The following PARP4 variants were observed in gnomAD, a reference collection of about 807,000 sequenced individuals.
The protein encoded by PARP4 is poly(ADP-ribose) polymerase family member 4.
In PARP4, 120 loss-of-function variants were observed where a neutral mutation model predicts 187.7. That is an observed-to-expected ratio of 0.64 (90% confidence interval 0.55 to 0.74). The LOEUF (loss-of-function observed/expected upper bound fraction) is 0.74, where lower values mean the gene tolerates loss of function less well. Ranked by LOEUF, PARP4 falls within the 30% of genes least tolerant of loss-of-function variation. The pLI, the probability that PARP4 is intolerant of heterozygous loss-of-function variation, is 0.00. For synonymous variants in PARP4, 654 were observed against 740.9 expected (o/e 0.88, Z 1.90); for missense variants, 1,836 against 2,070.5 (o/e 0.89, Z 2.20).
chr13:24,470,829 G>A (rs1872699607), intron 15 of PARP4, among the ~76,000 whole-genome samples: 1 of 152,000 alleles, frequency 6.6e-6, no homozygotes, highest in African/African-American at 2.4e-5. Flanking sequence ...CCTAGGGTGT[G>A]TAGGGTGCCA....
At chr13:24,454,058 C>A (rs531227857) in intron 22 of PARP4, among the ~76,000 whole-genome samples, 1 of 151,364 alleles carries the variant, frequency 6.6e-6, no homozygotes, top group Non-Finnish European at 1.5e-5. Flanking sequence ...GATCGCACCA[C>A]CGCACTCCAG....
At chr13:24,422,626 T>C (rs374842236) in intron 33 of PARP4, among the ~76,000 whole-genome samples, 100 of 152,308 alleles carry the variant, frequency 6.6e-4, no homozygotes, top group African/African-American at 2.3e-3. Context: ...AATTTTTTTT[T>C]TTAGATGGAG....
At chr13:24,499,210 T>G in intron 5 of PARP4, 91 bp downstream of exon 5, 14 of 1,370,868 alleles carry the variant, frequency 1.0e-5, no homozygotes, top group Non-Finnish European at 1.3e-5. Flanking sequence ...TTCAAAACAA[T>G]GAGAAAATGA....
chr13:24,486,158 C>T lies in PARP4; in HGVS notation c.1352+10G>A. The T allele has an allele frequency of 8.1e-6, 13 of 1,600,594 alleles. No homozygotes were observed. The highest frequency in any genetic ancestry group is 2.3e-5 in the South Asian group (2 of 87,718). On this transcript the variant is annotated intron_variant, in intron 11 of 33. Coordinates refer to ENST00000381989, the MANE Select transcript of PARP4 (RefSeq NM_006437.4). ...TGAAATTTTTGAAAAATAAAGATGGCTACTCTTACCGACACAAGATTCCCA... is the reference window on the plus strand; with the variant it reads ...TGAAATTTTTGAAAAATAAAGATGGTTACTCTTACCGACACAAGATTCCCA...
intron 16 of PARP4, among the ~76,000 whole-genome samples, chr13:24,469,412 G>C (rs1461568334): frequency 6.6e-6 from 1 of 152,134 alleles, no homozygotes; most frequent in East Asian, 1.9e-4. Context: ...CTTTAAATTT[G>C]GGAAATTGTA....
chr13:24,499,075 G>T (rs1869123008), intron 5 of PARP4, among the ~76,000 whole-genome samples: 1 of 152,120 alleles, frequency 6.6e-6, no homozygotes, highest in Non-Finnish European at 1.5e-5. Flanking sequence ...AAGGAGGGAG[G>T]ATGGCTTGAG....
At chr13:24,440,742 CTG>C (rs35399646) in intron 30 of PARP4, among the ~76,000 whole-genome samples, 60,172 of 151,814 alleles carry the variant, frequency 0.4, 12,147 homozygotes, top group African/African-American at 0.46. Flanking sequence ...ATCTTAACCA[CTG>C]TGTTTACTGA....
chr13:24,511,648 T>C (rs1870025126), intron 1 of PARP4, among the ~76,000 whole-genome samples: 1 of 152,248 alleles, frequency 6.6e-6, no homozygotes, highest in South Asian at 2.1e-4. Flanking sequence ...CGGAAAACCC[T>C]GAGGAGTCCC....
At chr13:24,473,118 C>G (rs1383559704) in intron 15 of PARP4, among the ~76,000 whole-genome samples, 2 of 152,114 alleles carry the variant, frequency 1.3e-5, no homozygotes, top group Non-Finnish European at 2.9e-5. Flanking sequence ...GATGGGGTTT[C>G]TCCATGTTCC....
chr13:24,459,948 T>C, intron 18 of PARP4, 24 bp downstream of exon 18: 1 of 1,599,476 alleles, frequency 6.3e-7, no homozygotes, highest in Non-Finnish European at 8.5e-7. Context: ...CCAAAATGCT[T>C]CTTCAAATCT....
At chr13:24,501,883 T>A in intron 2 of PARP4, 49 bp from the exon 3 acceptor site, 2 of 1,033,334 alleles carry the variant, frequency 1.9e-6, no homozygotes, top group Non-Finnish European at 3.0e-6. Flanking sequence ...AAACAACATT[T>A]AAATAAGATA....
chr13:24,442,475 A>G (rs1435539508), intron 29 of PARP4, 115 bp downstream of exon 29: 6 of 787,110 alleles, frequency 7.6e-6, no homozygotes, highest in Non-Finnish European at 1.3e-5. Context: ...TCTGCAACCC[A>G]CACTTCCCAG....
chr13:24,460,511 T>C lies in PARP4; in HGVS notation c.2134-375A>G, dbSNP rs373079027. 4.1e-4 allele frequency among the ~76,000 whole-genome samples: 52 copies of C among 128,206 alleles called. No individual in the cohort carries two copies. The East Asian group carries it at 4.5e-3, about 11-fold the overall frequency. The allele number at this position is 128,206 out of a possible 152,430, so 84.1% of individuals were successfully genotyped here. ...TGCTGCATGGGTGGGCTCTGCTGCA[T>C]GGGTGGGCTCTGCTGCACAGATGGC... On this transcript the variant is annotated intron_variant, in intron 17 of 33. Transcript: ENST00000381989.
chr13:24,436,975 G>A (rs1870668987), intron 30 of PARP4, among the ~76,000 whole-genome samples: 1 of 151,956 alleles, frequency 6.6e-6, no homozygotes, highest in East Asian at 1.9e-4. Context: ...GAAGCAAACT[G>A]GAAAAAACCA....
rs771005294 is a variant in PARP4, at chr13:24,447,154, C to T, written c.3147G>A (p.Pro1049=). 1.7e-5 allele frequency: 27 copies of T among 1,612,362 alleles called. No individual in the cohort carries two copies. Among genetic ancestry groups the T allele is most frequent in the Non-Finnish European group, 2.1e-5 (25 of 1,179,138 alleles). ...ATTTGACGGAGACAGAGTGGCAACTCGGAGAACATAGCCTGGTCATTTGGT... is the reference window on the plus strand; with the variant it reads ...ATTTGACGGAGACAGAGTGGCAACTTGGAGAACATAGCCTGGTCATTTGGT... ...IEDQMTRLCS[P]SCHSVSVKWQ... The change falls in exon 26 of 34, where the codon CCG becomes CCA. Residue 1049 remains proline, a synonymous_variant. Transcript: ENST00000381989.
intron 24 of PARP4, 38 bp from the exon 25 acceptor site, chr13:24,449,855 A>G (rs546227088): frequency 3.1e-6 from 4 of 1,304,960 alleles, no homozygotes; most frequent in Admixed American, 3.5e-5. Flanking sequence ...TGAAGACATT[A>G]GAAATATTTT....
chr13:24,480,066 G>T (rs967367962), intron 12 of PARP4, among the ~76,000 whole-genome samples: 1 of 149,058 alleles, frequency 6.7e-6, no homozygotes, highest in African/African-American at 2.6e-5. Context: ...GAACACATCT[G>T]AACATCAGAA....
intron 6 of PARP4, among the ~76,000 whole-genome samples, chr13:24,497,872 A>G (rs550049432): frequency 6.6e-6 from 1 of 152,358 alleles, no homozygotes; most frequent in South Asian, 2.1e-4. Context: ...GCTGTCTGTA[A>G]GCCAAAGAGA....
chr13:24,465,790 T>C (rs929547699), intron 17 of PARP4, among the ~76,000 whole-genome samples: 2 of 151,320 alleles, frequency 1.3e-5, no homozygotes, highest in Non-Finnish European at 2.9e-5. Context: ...AAAAAGATAG[T>C]TGAATATATA....
Sources: allele counts gnomAD v4.1 joint callset (sites outside exome capture counted in the v4.1 genomes callset), GRCh38; gene constraint gnomAD v4.1.1; transcripts MANE v1.5; gene names NCBI Gene and HGNC (gene_info 2026-07-23, HGNC 2026-07-21).